Variants in PSD3 observed in about 807,000 individuals in gnomAD.
The protein encoded by PSD3 is PH and SEC7 domain-containing protein 3.
Under a neutral mutation model 105.5 loss-of-function variants are expected in PSD3, and 49 were observed. The observed-to-expected ratio is 0.46, with a 90% CI of 0.37 to 0.59. The LOEUF (loss-of-function observed/expected upper bound fraction) is 0.59, where lower values mean the gene tolerates loss of function less well. PSD3 is among the 20% of genes least tolerant of loss of function. The probability of loss-of-function intolerance (pLI) is 0.00; values close to 1 mark genes in which losing one functional copy is unlikely to be tolerated. For synonymous variants in PSD3, 557 were observed against 457.8 expected (o/e 1.22, Z -2.77); for missense variants, 1,561 against 1,263.8 (o/e 1.24, Z -3.57).
At chr8:18,744,067 A>G (rs1481341580) in intron 9 of PSD3, among the ~76,000 whole-genome samples, 1 of 151,406 alleles carries the variant, frequency 6.6e-6, no homozygotes, top group East Asian at 2.0e-4. Flanking sequence ...CTAGATTCTC[A>G]CATATGAATT....
chr8:18,870,574 A>G (rs990448496), intron 3 of PSD3, among the ~76,000 whole-genome samples: 2 of 152,012 alleles, frequency 1.3e-5, no homozygotes, highest in East Asian at 3.9e-4. Flanking sequence ...AGAAATACCT[A>G]ATGTAGATGA....
chr8:18,547,150 T>C (rs1012619876), intron 15 of PSD3, among the ~76,000 whole-genome samples: 1 of 152,120 alleles, frequency 6.6e-6, no homozygotes, highest in Non-Finnish European at 1.5e-5. Flanking sequence ...CCTGGTGGAA[T>C]GACGGTGGAG....
intron 9 of PSD3, among the ~76,000 whole-genome samples, chr8:18,658,283 G>A (rs564419476): frequency 5.3e-5 from 8 of 152,210 alleles, no homozygotes; most frequent in South Asian, 4.1e-4. Flanking sequence ...AAAGGAAGAC[G>A]CTTTACAAAT....
At chr8:18,621,033 G>T (rs1806076142) in intron 11 of PSD3, among the ~76,000 whole-genome samples, 1 of 152,172 alleles carries the variant, frequency 6.6e-6, no homozygotes, top group African/African-American at 2.4e-5. Context: ...TCCTCTTTCA[G>T]AAAAATACTT....
chr8:18,748,492 C>G (rs1466238001), intron 9 of PSD3, among the ~76,000 whole-genome samples: 2 of 151,742 alleles, frequency 1.3e-5, no homozygotes, highest in Admixed American at 6.6e-5. Context: ...AACCCCATCT[C>G]TACTAAAAAT....
intron 4 of PSD3, among the ~76,000 whole-genome samples, chr8:18,865,615 C>A (rs768337229): frequency 6.6e-6 from 1 of 152,024 alleles, no homozygotes; most frequent in Non-Finnish European, 1.5e-5. Flanking sequence ...TCTGTCCAAG[C>A]CACTGGCAGT....
chr8:18,928,498 T>C (rs1048743851), intron 2 of PSD3, among the ~76,000 whole-genome samples: 1 of 152,128 alleles, frequency 6.6e-6, no homozygotes, highest in East Asian at 1.9e-4. Flanking sequence ...ATGTGTACCA[T>C]CCATATAATC....
chr8:18,944,901 T>C (rs1282515666), intron 1 of PSD3, among the ~76,000 whole-genome samples: 2 of 152,212 alleles, frequency 1.3e-5, no homozygotes, highest in Non-Finnish European at 2.9e-5. Context: ...GAATGTTCCA[T>C]GCTTCTCTTA....
intron 9 of PSD3, among the ~76,000 whole-genome samples, chr8:18,666,849 C>T (rs1410946317): frequency 6.6e-6 from 1 of 152,122 alleles, no homozygotes; most frequent in Non-Finnish European, 1.5e-5. Context: ...TCAAAGAGGA[C>T]ACCAATTTTG....
chr8:18,949,244 A>AAAAAAAAAAAAATATATAGAT (rs1345423514), intron 1 of PSD3, among the ~76,000 whole-genome samples: 1 of 14,404 alleles, frequency 6.9e-5, no homozygotes, highest in African/African-American at 1.5e-4. Flanking sequence ...AAAAAAAAAA[A>AAAAAAAAAAAAATATATAGAT]ATATATATAT....
chr8:19,078,291 T>C (rs1829524519), intron 1 of PSD3, among the ~76,000 whole-genome samples: 1 of 152,226 alleles, frequency 6.6e-6, no homozygotes, highest in South Asian at 2.1e-4. Flanking sequence ...CATCAGGTAA[T>C]GATTTGATTC....
intron 2 of PSD3, among the ~76,000 whole-genome samples, chr8:18,906,382 T>C (rs1819850770): frequency 6.6e-6 from 1 of 152,150 alleles, no homozygotes; most frequent in Non-Finnish European, 1.5e-5. Flanking sequence ...GTTTTTAAAA[T>C]TCATACCCAA....
Position 18,754,433 on chromosome 8 carries a change from A to C in PSD3, c.2172+11016T>G, listed in dbSNP as rs191713073. Among the ~76,000 whole-genome samples the C allele has an allele frequency of 4.6e-5, 7 of 152,234 alleles. No individual in the cohort carries two copies. The East Asian group carries it at 1.4e-3, about 29-fold the overall frequency. ...ACTTAAAAATTTATGTAATAACCTA[A>C]ATGTCTGTGTTCTATTAAATTCATC... On this transcript the variant is annotated intron_variant, in intron 9 of 15. Coordinates refer to ENST00000327040, the MANE Select transcript of PSD3 (RefSeq NM_015310.4).
At chr8:18,941,487 C>A (rs902584857) in intron 1 of PSD3, among the ~76,000 whole-genome samples, 1 of 152,036 alleles carries the variant, frequency 6.6e-6, no homozygotes, top group African/African-American at 2.4e-5. Context: ...CAAAACACAC[C>A]CTGTATTTAA....
intron 1 of PSD3, among the ~76,000 whole-genome samples, chr8:19,066,731 ATGT>A (rs1829086915): frequency 6.6e-6 from 1 of 152,202 alleles, no homozygotes; most frequent in African/African-American, 2.4e-5. Context: ...AATCTATCTG[ATGT>A]TGTTCTTTCA....
chr8:18,565,489 T>C (rs1271910088), intron 14 of PSD3, among the ~76,000 whole-genome samples: 2 of 152,218 alleles, frequency 1.3e-5, no homozygotes, highest in African/African-American at 4.8e-5. Context: ...TTAAGGCTAA[T>C]GTGTTTTGCA....
chr8:18,575,726 T>C (rs1041580347), intron 12 of PSD3, among the ~76,000 whole-genome samples: 8 of 152,198 alleles, frequency 5.3e-5, no homozygotes, highest in African/African-American at 1.9e-4. Flanking sequence ...AACAATGCCA[T>C]TGTGTTCTTT....
intron 9 of PSD3, among the ~76,000 whole-genome samples, chr8:18,678,021 A>C (rs1800169618): frequency 2.0e-5 from 3 of 151,570 alleles, no homozygotes; most frequent in African/African-American, 7.3e-5. Flanking sequence ...AAAAAAAAAA[A>C]ACAAAGTAAA....
intron 9 of PSD3, among the ~76,000 whole-genome samples, chr8:18,658,129 T>G (rs947607881): frequency 1.3e-5 from 2 of 152,240 alleles, no homozygotes; most frequent in Non-Finnish European, 2.9e-5. Flanking sequence ...CCTCTCACTG[T>G]GTAAACAACA....
Sources: allele counts gnomAD v4.1 joint callset (sites outside exome capture counted in the v4.1 genomes callset), GRCh38; gene constraint gnomAD v4.1.1; transcripts MANE v1.5; gene names NCBI Gene and HGNC (gene_info 2026-07-23, HGNC 2026-07-21).